The following MAPK10 variants were observed in gnomAD, a reference collection of about 807,000 sequenced individuals.
The protein encoded by MAPK10 is mitogen-activated protein kinase 10.
In MAPK10, 25 loss-of-function variants were observed where a neutral mutation model predicts 59.3. The ratio of observed to expected loss-of-function variants is 0.42; its 90% CI spans 0.31 to 0.59. MAPK10 has a LOEUF of 0.59. Ranked by LOEUF, MAPK10 falls within the 20% of genes least tolerant of loss-of-function variation. MAPK10 has a pLI of 0.15. For synonymous variants in MAPK10, 190 were observed against 200.5 expected, an observed-to-expected ratio of 0.95 and a Z score of 0.44; for missense variants, 351 against 568.9, an observed-to-expected ratio of 0.62 and a Z score of 3.90.
intron 1 of MAPK10, among the ~76,000 whole-genome samples, chr4:86,510,529 A>G (rs1246196296): frequency 6.6e-6 from 1 of 152,136 alleles, no homozygotes; most frequent in African/African-American, 2.4e-5. Context: ...ATCTATATAC[A>G]TGTATATAAA....
At chr4:86,310,972 C>T (rs1278848338) in intron 2 of MAPK10, among the ~76,000 whole-genome samples, 1 of 151,428 alleles carries the variant, frequency 6.6e-6, no homozygotes, top group African/African-American at 2.4e-5. Flanking sequence ...CAAAGTCAGA[C>T]CCACAGATAC....
intron 1 of MAPK10, among the ~76,000 whole-genome samples, chr4:86,520,739 C>T (rs931808610): frequency 6.6e-5 from 10 of 152,116 alleles, no homozygotes; most frequent in African/African-American, 1.7e-4. Flanking sequence ...TTTGGATAGA[C>T]TTTTTCAGTG....
At chr4:86,084,673 C>T (rs2051383682) in intron 9 of MAPK10, among the ~76,000 whole-genome samples, 1 of 144,636 alleles carries the variant, frequency 6.9e-6, no homozygotes, top group South Asian at 2.1e-4. Context: ...GTCCATACTA[C>T]CCAAAGCAAT....
chr4:86,123,907 TG>T (rs1211199509), intron 4 of MAPK10: 1 of 152,074 alleles, frequency 6.6e-6, no homozygotes, highest in African/African-American at 2.4e-5. Flanking sequence ...ATTTAAGTTA[TG>T]GCTACTTTAT....
intron 1 of MAPK10, among the ~76,000 whole-genome samples, chr4:86,405,350 G>A (rs1004412237): frequency 6.6e-6 from 1 of 152,094 alleles, no homozygotes. Flanking sequence ...GTAACAATTG[G>A]CTATACACCT....
chr4:86,409,359 C>T (rs539767878), intron 1 of MAPK10, among the ~76,000 whole-genome samples: 3 of 152,256 alleles, frequency 2.0e-5, no homozygotes, highest in Admixed American at 6.5e-5. Context: ...GTTCTTTCTG[C>T]TTAGGATTGT....
At chr4:86,076,350 T>C (rs911350142) in intron 9 of MAPK10, among the ~76,000 whole-genome samples, 6 of 152,122 alleles carry the variant, frequency 3.9e-5, no homozygotes, top group Non-Finnish European at 1.5e-5. Context: ...AAATCACCCA[T>C]CTTCTGCGTC....
At chr4:86,281,546 A>AAAT (rs1483140248) in intron 2 of MAPK10, among the ~76,000 whole-genome samples, 1 of 143,746 alleles carries the variant, frequency 7.0e-6, no homozygotes, top group Non-Finnish European at 1.5e-5. Flanking sequence ...TAAAATAATA[A>AAAT]AATAAATTCT....
At chr4:86,589,107 G>A (rs1405327306) in intron 1 of MAPK10, among the ~76,000 whole-genome samples, 2 of 151,412 alleles carry the variant, frequency 1.3e-5, no homozygotes, top group African/African-American at 4.9e-5. Flanking sequence ...GAAAAACAAA[G>A]CCATAAAAAT....
chr4:86,304,627 T>C (rs983921460), intron 2 of MAPK10, among the ~76,000 whole-genome samples: 6 of 151,502 alleles, frequency 4.0e-5, no homozygotes, highest in Admixed American at 1.3e-4. Flanking sequence ...CTCCTGACCT[T>C]GTGATCCGCC....
At chr4:86,413,687 G>A (rs1372486324) in intron 1 of MAPK10, among the ~76,000 whole-genome samples, 1 of 152,194 alleles carries the variant, frequency 6.6e-6, no homozygotes, top group African/African-American at 2.4e-5. Context: ...TGCGCTAGCA[G>A]TGAGCAAGCC....
At chr4:86,181,725 G>A (rs932761900) in intron 3 of MAPK10, among the ~76,000 whole-genome samples, 3 of 152,028 alleles carry the variant, frequency 2.0e-5, no homozygotes, top group African/African-American at 7.2e-5. Context: ...AAGATGCCCT[G>A]GTCCTGACCC....
At chr4:86,509,498 T>C (rs1252781286) in intron 1 of MAPK10, among the ~76,000 whole-genome samples, 1 of 148,426 alleles carries the variant, frequency 6.7e-6, no homozygotes, top group Admixed American at 6.7e-5. Context: ...CCTGCCAAAA[T>C]GCTTCCCTGT....
At chr4:86,423,760 G>GATATATATATATATAGATAT (rs772650050) in intron 1 of MAPK10, among the ~76,000 whole-genome samples, 1 of 117,120 alleles carries the variant, frequency 8.5e-6, no homozygotes, top group African/African-American at 3.5e-5. Flanking sequence ...TAATTAGTGG[G>GATATATATATATATAGATAT]ATATATATAC....
At chr4:86,114,869 G>A (rs1392797541) in intron 4 of MAPK10, among the ~76,000 whole-genome samples, 1 of 152,210 alleles carries the variant, frequency 6.6e-6, no homozygotes, top group African/African-American at 2.4e-5. Flanking sequence ...GGCTGGAGAT[G>A]CTACAATTTC....
At chr4:86,126,644 C>G (rs2060122557) in intron 4 of MAPK10, among the ~76,000 whole-genome samples, 1 of 151,978 alleles carries the variant, frequency 6.6e-6, no homozygotes, top group African/African-American at 2.4e-5. Context: ...ATATTTTTCC[C>G]AAAGGTCCTA....
chr4:86,040,720 C>T (rs2041342081), intron 11 of MAPK10, among the ~76,000 whole-genome samples: 1 of 151,930 alleles, frequency 6.6e-6, no homozygotes, highest in South Asian at 2.1e-4. Context: ...ATCCTAAAGG[C>T]ACCAAGAGAA....
intron 2 of MAPK10, among the ~76,000 whole-genome samples, chr4:86,295,768 T>TTATA (rs1055712045): frequency 2.8e-5 from 4 of 144,098 alleles, no homozygotes; most frequent in Admixed American, 2.8e-4. Flanking sequence ...TATATATATT[T>TTATA]TATATATATA....
At chr4:86,492,690 G>A (rs944152493) in intron 1 of MAPK10, among the ~76,000 whole-genome samples, 27 of 152,124 alleles carry the variant, frequency 1.8e-4, no homozygotes, top group Non-Finnish European at 5.9e-5. Context: ...GCTCAATAAC[G>A]GTATATGTTC....
Sources: allele counts gnomAD v4.1 joint callset (sites outside exome capture counted in the v4.1 genomes callset), GRCh38; gene constraint gnomAD v4.1.1; transcripts MANE v1.5; gene names NCBI Gene and HGNC (gene_info 2026-07-23, HGNC 2026-07-21).